Variants in CAMKMT observed in about 807,000 individuals in gnomAD.
CAMKMT encodes CaM KMT.
In CAMKMT, 53 loss-of-function variants were observed where a neutral mutation model predicts 48.0. That is an observed-to-expected ratio of 1.10 (90% CI 0.89 to 1.39). The LOEUF is 1.39. Among genes scored for constraint, CAMKMT ranks in the 40% most tolerant of loss-of-function variants. The pLI is 0.00. For missense variants in CAMKMT, 428 were observed against 402.7 expected (o/e 1.06, Z -0.54); for synonymous variants, 165 against 152.3 (o/e 1.08, Z -0.61).
At chr2:44,463,810 AG>A (rs1259478003) in intron 3 of CAMKMT, among the ~76,000 whole-genome samples, 1 of 152,236 alleles carries the variant, frequency 6.6e-6, no homozygotes, top group African/African-American at 2.4e-5. Context: ...AAGGATTGAG[AG>A]GCTGTCAGAT....
At chr2:44,593,091 G>A (rs910364375) in intron 3 of CAMKMT, among the ~76,000 whole-genome samples, 2 of 152,148 alleles carry the variant, frequency 1.3e-5, no homozygotes, top group African/African-American at 4.8e-5. Context: ...GAAACAGCTT[G>A]ATCCTTTCAG....
intron 3 of CAMKMT, among the ~76,000 whole-genome samples, chr2:44,443,871 G>C (rs116401689): frequency 6.6e-6 from 1 of 152,180 alleles, no homozygotes; most frequent in Admixed American, 6.5e-5. Context: ...AAGCTGCCTA[G>C]TGGGCTTAAA....
chr2:44,527,500 C>T (rs1666211311), intron 3 of CAMKMT, among the ~76,000 whole-genome samples: 1 of 147,120 alleles, frequency 6.8e-6, no homozygotes, highest in South Asian at 2.1e-4. Flanking sequence ...GGGCTCAAGA[C>T]ATCCAGCTTT....
rs188685919 is a variant in CAMKMT at position 44,491,832 on chromosome 2, C to G, written c.376+101527C>G. On this transcript the variant is annotated intron_variant, in intron 3 of 10. Transcript: ENST00000378494. ...CCTTAAAGGTATGTTGAGAATATAG[C>G]ATTCTTTGAAGGTATCAACAAATTT... Among the ~76,000 whole-genome samples, 16 of 152,264 alleles carry G rather than the reference C, an allele frequency of 1.1e-4. No homozygotes were observed. The East Asian group carries it at 3.1e-3, about 29-fold the overall frequency.
intron 3 of CAMKMT, among the ~76,000 whole-genome samples, chr2:44,416,726 A>C (rs984938547): frequency 1.1e-4 from 16 of 151,022 alleles, no homozygotes; most frequent in Non-Finnish European, 1.9e-4. Flanking sequence ...AGGTGCCCAC[A>C]ACCACACCCG....
intron 2 of CAMKMT, among the ~76,000 whole-genome samples, chr2:44,378,542 G>A (rs1192291167): frequency 1.3e-5 from 2 of 152,172 alleles, no homozygotes; most frequent in Admixed American, 1.3e-4. Context: ...TCACCAGGCT[G>A]GAGTGCAGTG....
chr2:44,469,825 C>T (rs1186712101), intron 3 of CAMKMT, among the ~76,000 whole-genome samples: 4 of 151,470 alleles, frequency 2.6e-5, no homozygotes, highest in South Asian at 2.1e-4. Context: ...TTATCAGTTA[C>T]GTTTGTTTGC....
chr2:44,767,043 G>A (rs1009562290), intron 10 of CAMKMT, among the ~76,000 whole-genome samples: 9 of 152,212 alleles, frequency 5.9e-5, no homozygotes, highest in Admixed American at 3.9e-4. Context: ...GAATTTCACA[G>A]TTGTGGGGTT....
chr2:44,417,779 A>G (rs1258038475), intron 3 of CAMKMT, among the ~76,000 whole-genome samples: 1 of 152,220 alleles, frequency 6.6e-6, no homozygotes, highest in East Asian at 1.9e-4. Context: ...TTGCGGTTCT[A>G]TGCAGATTCC....
chr2:44,688,843 G>C (rs182924118), intron 3 of CAMKMT, among the ~76,000 whole-genome samples: 16 of 152,310 alleles, frequency 1.1e-4, no homozygotes, highest in Middle Eastern at 3.4e-3. Context: ...CTAACAGCCT[G>C]ATACCAGGAC....
chr2:44,756,706 C>T (rs1289203849), intron 9 of CAMKMT, among the ~76,000 whole-genome samples: 1 of 146,994 alleles, frequency 6.8e-6, no homozygotes, highest in Non-Finnish European at 1.5e-5. Context: ...CACGTCACTG[C>T]ATTCTGGCCT....
chr2:44,611,045 A>G (rs916219719), intron 3 of CAMKMT, among the ~76,000 whole-genome samples: 8 of 152,182 alleles, frequency 5.3e-5, no homozygotes, highest in African/African-American at 1.9e-4. Context: ...CAGGGAGGAT[A>G]ATAGTCTCAA....
chr2:44,405,101 C>G (rs1682689610), intron 3 of CAMKMT, among the ~76,000 whole-genome samples: 1 of 151,958 alleles, frequency 6.6e-6, no homozygotes, highest in Non-Finnish European at 1.5e-5. Flanking sequence ...TTTTCTATCT[C>G]TATGTTTTTG....
chr2:44,542,557 T>G (rs1295240389), intron 3 of CAMKMT, among the ~76,000 whole-genome samples: 1 of 52,402 alleles, frequency 1.9e-5, no homozygotes, highest in Non-Finnish European at 7.6e-5. Flanking sequence ...TCTCTCTCTC[T>G]TTCTCTCTCC....
At chr2:44,366,622 A>C (rs978930823) in intron 1 of CAMKMT, among the ~76,000 whole-genome samples, 1 of 152,186 alleles carries the variant, frequency 6.6e-6, no homozygotes, top group South Asian at 2.1e-4. Flanking sequence ...GATAACACAT[A>C]CTTTGGAAGG....
intron 3 of CAMKMT, among the ~76,000 whole-genome samples, chr2:44,465,568 C>CA (rs56885024): frequency 0.013 from 1,778 of 133,350 alleles, 48 homozygotes; most frequent in South Asian, 0.033. Flanking sequence ...TGTACTCTGT[C>CA]AAAAAAAAAA....
chr2:44,503,988 A>G (rs1262282905), intron 3 of CAMKMT, among the ~76,000 whole-genome samples: 1 of 150,658 alleles, frequency 6.6e-6, no homozygotes, highest in Non-Finnish European at 1.5e-5. Context: ...GGGTGGGGAG[A>G]GAGAGAGAGA....
At chr2:44,584,051 C>A (rs1480812839) in intron 3 of CAMKMT, among the ~76,000 whole-genome samples, 2 of 152,140 alleles carry the variant, frequency 1.3e-5, no homozygotes, top group Non-Finnish European at 2.9e-5. Context: ...TCCTTGAGTA[C>A]AACTCATCAT....
chr2:44,452,966 T>C (rs748484068), intron 3 of CAMKMT, among the ~76,000 whole-genome samples: 5 of 152,074 alleles, frequency 3.3e-5, no homozygotes, highest in Non-Finnish European at 7.4e-5. Context: ...CCATGCTAAA[T>C]TATATGGTGA....
Sources: allele counts gnomAD v4.1 joint callset (sites outside exome capture counted in the v4.1 genomes callset), GRCh38; gene constraint gnomAD v4.1.1; transcripts MANE v1.5; gene names NCBI Gene and HGNC (gene_info 2026-07-23, HGNC 2026-07-21).